BCHE: variants seen among roughly 807,000 people sequenced by gnomAD.
BCHE encodes butyrylcholinesterase.
In BCHE, 48 loss-of-function variants were observed where a neutral mutation model predicts 51.3. The observed-to-expected ratio is 0.94, with a 90% CI of 0.74 to 1.19. The LOEUF (loss-of-function observed/expected upper bound fraction) is 1.19, where lower values mean the gene tolerates loss of function less well. BCHE is among the 50% of genes most tolerant of loss of function. BCHE has a pLI of 0.00. For missense variants in BCHE, 847 were observed against 708.2 expected, an observed-to-expected ratio of 1.20 and a Z score of -2.23; for synonymous variants, 251 against 238.0, an observed-to-expected ratio of 1.05 and a Z score of -0.50.
chr3:165,825,945 A>G (rs1469791541), intron 2 of BCHE, among the ~76,000 whole-genome samples: 1 of 152,164 alleles, frequency 6.6e-6, no homozygotes, highest in African/African-American at 2.4e-5. Context: ...AAGCACAATG[A>G]GATGTCATTA....
At position 165,773,454 on chromosome 3, in the gene BCHE, G is replaced by A. The variant is rs764962053; in HGVS notation, c.1737C>T (p.Asn579=). Residue 579 remains asparagine (N), a synonymous_variant, in exon 4 of 4, where the codon AAC becomes AAT. Coordinates refer to ENST00000264381, the MANE Select transcript of BCHE (RefSeq NM_000055.4). ...WEWKAGFHRW[N]NYMMDWKNQF... ...GATTTTTCCAGTCCATCATGTAATT[G>A]TTCCAGCGATGGAATCCTGCTTTCC... 1.9e-6 allele frequency: 3 copies of A among 1,608,132 alleles called. No homozygotes were observed. The highest frequency in any genetic ancestry group is 2.6e-6 in the Non-Finnish European group (3 of 1,175,134).
intron 2 of BCHE, among the ~76,000 whole-genome samples, chr3:165,827,237 A>T (rs542046566): frequency 8.7e-4 from 133 of 152,208 alleles, no homozygotes; most frequent in Non-Finnish European, 1.6e-3. Context: ...TAACACAAAT[A>T]TATAATGTTA....
intron 2 of BCHE, among the ~76,000 whole-genome samples, chr3:165,825,403 A>C (rs1714681486): frequency 6.6e-6 from 1 of 152,116 alleles, no homozygotes; most frequent in Admixed American, 6.6e-5. Flanking sequence ...AGAAAAAAAA[A>C]CCAGTCTTCA....
At chr3:165,802,966 C>CT (rs2108215469) in intron 2 of BCHE, among the ~76,000 whole-genome samples, 1 of 152,198 alleles carries the variant, frequency 6.6e-6, no homozygotes, top group African/African-American at 2.4e-5. Context: ...TGGTCTTGAT[C>CT]TCCTGACCTC....
intron 2 of BCHE, among the ~76,000 whole-genome samples, chr3:165,796,958 C>T (rs1210088457): frequency 6.6e-6 from 1 of 152,018 alleles, no homozygotes; most frequent in Non-Finnish European, 1.5e-5. Flanking sequence ...TGTCTTCTTT[C>T]CTCTGCATTG....
intron 2 of BCHE, among the ~76,000 whole-genome samples, chr3:165,824,764 G>A (rs1714657414): frequency 6.6e-6 from 1 of 151,792 alleles, no homozygotes. Context: ...ACATAAAACT[G>A]TTAGGGATAA....
chr3:165,828,763 C>T (rs1476285386), intron 2 of BCHE, among the ~76,000 whole-genome samples: 1 of 151,778 alleles, frequency 6.6e-6, no homozygotes, highest in Non-Finnish European at 1.5e-5. Context: ...TCTATAGATA[C>T]ACATACATAT....
intron 2 of BCHE, among the ~76,000 whole-genome samples, chr3:165,789,684 G>T (rs923873981): frequency 2.0e-5 from 3 of 152,040 alleles, no homozygotes; most frequent in Non-Finnish European, 2.9e-5. Context: ...ACTGTCATAA[G>T]AGGTTTGAGG....
intron 2 of BCHE, among the ~76,000 whole-genome samples, chr3:165,789,459 G>C (rs1018088389): frequency 1.3e-5 from 2 of 152,040 alleles, no homozygotes; most frequent in African/African-American, 2.4e-5. Flanking sequence ...TATGCATCTA[G>C]CTTCAAAAAT....
chr3:165,788,098 G>C (rs7616975), intron 2 of BCHE, among the ~76,000 whole-genome samples: 12,061 of 123,726 alleles, frequency 0.097, 734 homozygotes, highest in African/African-American at 0.2. Context: ...TTTTGGAGTA[G>C]TATGAGCCGA....
At chr3:165,792,558 A>G (rs746068172) in intron 2 of BCHE, among the ~76,000 whole-genome samples, 1 of 152,168 alleles carries the variant, frequency 6.6e-6, no homozygotes, top group African/African-American at 2.4e-5. Flanking sequence ...TTGAAAAACA[A>G]GATGCCATTA....
intron 2 of BCHE, among the ~76,000 whole-genome samples, chr3:165,806,473 T>A (rs116463645): frequency 6.6e-6 from 1 of 152,178 alleles, no homozygotes; most frequent in African/African-American, 2.4e-5. Flanking sequence ...CAGCGGTAAG[T>A]GGTAACCTCA....
At chr3:165,810,155 G>A (rs1714039463) in intron 2 of BCHE, among the ~76,000 whole-genome samples, 1 of 152,082 alleles carries the variant, frequency 6.6e-6, no homozygotes, top group Admixed American at 6.5e-5. Flanking sequence ...TTTCAGATAG[G>A]CTATCTTTTG....
intron 2 of BCHE, among the ~76,000 whole-genome samples, chr3:165,787,105 A>G (rs551381056): frequency 3.0e-4 from 45 of 151,794 alleles, no homozygotes; most frequent in African/African-American, 1.1e-3. Context: ...AACTCATTCA[A>G]AACTTTCATA....
chr3:165,814,212 T>C (rs1714213993), intron 2 of BCHE, among the ~76,000 whole-genome samples: 1 of 149,884 alleles, frequency 6.7e-6, no homozygotes, highest in Non-Finnish European at 1.5e-5. Context: ...GTTTTACAAA[T>C]AACACATTTT....
At chr3:165,806,726 A>G (rs1275816695) in intron 2 of BCHE, among the ~76,000 whole-genome samples, 1 of 152,174 alleles carries the variant, frequency 6.6e-6, no homozygotes, top group African/African-American at 2.4e-5. Context: ...GTGTAAACAC[A>G]TCTTTATAAT....
chr3:165,796,618 T>C (rs1027682833), intron 2 of BCHE, among the ~76,000 whole-genome samples: 6 of 152,210 alleles, frequency 3.9e-5, no homozygotes, highest in Non-Finnish European at 1.5e-5. Flanking sequence ...GTGTGTTTTT[T>C]TAATCCTAAA....
intron 2 of BCHE, among the ~76,000 whole-genome samples, chr3:165,811,593 C>G (rs1714097818): frequency 6.6e-6 from 1 of 151,974 alleles, no homozygotes; most frequent in Non-Finnish European, 1.5e-5. Flanking sequence ...AATTGATTTG[C>G]TCTTAGAAAA....
chr3:165,774,927 G>T (rs1712405792), intron 3 of BCHE, among the ~76,000 whole-genome samples: 2 of 150,580 alleles, frequency 1.3e-5, no homozygotes, highest in African/African-American at 2.4e-5. Flanking sequence ...AAATTACAAT[G>T]TTTTAAGACA....
Sources: gnomAD v4.1 joint callset for allele counts (sites outside exome capture counted in the v4.1 genomes callset) on GRCh38, gnomAD v4.1.1 for gene constraint, MANE v1.5 for transcripts, NCBI Gene and HGNC (gene_info 2026-07-23, HGNC 2026-07-21) for gene names.